The following MSRA variants were observed in gnomAD, a reference collection of about 807,000 sequenced individuals.
MSRA encodes the protein methionine sulfoxide reductase A.
A neutral mutation model predicts 31.3 loss-of-function variants in MSRA; 54 were observed. The ratio of observed to expected loss-of-function variants is 1.73; its 90% confidence interval spans 1.39 to 2.17. MSRA has a LOEUF of 2.17. Among genes scored for constraint, MSRA ranks in the 30% most tolerant of loss-of-function variants. MSRA has a pLI of 0.00. For missense variants in MSRA, 507 were observed against 300.9 expected (o/e 1.69, Z -5.07); for synonymous variants, 169 against 116.5 (o/e 1.45, Z -2.90).
intron 5 of MSRA, among the ~76,000 whole-genome samples, chr8:10,363,771 C>CACACACACACACACAGACACACAT (rs1362911039): frequency 6.6e-6 from 1 of 151,424 alleles, no homozygotes; most frequent in African/African-American, 2.4e-5. Context: ...CACACACACA[C>CACACACACACACACAGACACACAT]ACACACACTA....
At chr8:10,365,059 C>T (rs1414220584) in intron 5 of MSRA, among the ~76,000 whole-genome samples, 1 of 150,466 alleles carries the variant, frequency 6.6e-6, no homozygotes, top group African/African-American at 2.5e-5. Flanking sequence ...CTGAGCTTTG[C>T]CAAACAGACA....
intron 3 of MSRA, among the ~76,000 whole-genome samples, chr8:10,286,507 C>T (rs1232045963): frequency 6.6e-6 from 1 of 152,246 alleles, no homozygotes; most frequent in African/African-American, 2.4e-5. Context: ...CCATGTGGAA[C>T]TGTAAGTAGG....
At chr8:10,076,259 A>T (rs1432570388) in intron 1 of MSRA, among the ~76,000 whole-genome samples, 1 of 152,240 alleles carries the variant, frequency 6.6e-6, no homozygotes. Flanking sequence ...CAGTAGGGAC[A>T]CTTAGGGGAC....
intron 1 of MSRA, among the ~76,000 whole-genome samples, chr8:10,071,366 C>T (rs548024061): frequency 3.0e-4 from 46 of 151,850 alleles, no homozygotes; most frequent in South Asian, 1.9e-3. Flanking sequence ...TACTCTTCAG[C>T]GGAGTCTTTT....
At chr8:10,310,789 G>A (rs575006462) in intron 4 of MSRA, among the ~76,000 whole-genome samples, 1 of 152,310 alleles carries the variant, frequency 6.6e-6, no homozygotes, top group Non-Finnish European at 1.5e-5. Context: ...GGTAGCACAT[G>A]GCCCCACAGT....
intron 3 of MSRA, among the ~76,000 whole-genome samples, chr8:10,251,322 A>G (rs1563270283): frequency 6.6e-6 from 1 of 152,014 alleles, no homozygotes; most frequent in Non-Finnish European, 1.5e-5. Context: ...GAGTTCTCTT[A>G]TTAACAGATT....
chr8:10,075,084 T>G (rs1412129362), intron 1 of MSRA, among the ~76,000 whole-genome samples: 4 of 152,266 alleles, frequency 2.6e-5, no homozygotes, highest in Non-Finnish European at 5.9e-5. Flanking sequence ...TGCATTCATA[T>G]TATTTGAAGA....
rs115023684 is a variant in MSRA, at chr8:10,109,149, G to C, written c.142+54491G>C. 4.9e-3 allele frequency among the ~76,000 whole-genome samples: 740 copies of C among 152,200 alleles called. 6 individuals are homozygous for C. Among genetic ancestry groups the C allele is most frequent in the African/African-American group, 0.017 (687 of 41,528 alleles). Reference sequence around the variant, plus strand: ...CATAGCAAAACACAAATTAAGTCCAGGAGATAAAATGCATATAGTGCCTGC... The same window carrying C: ...CATAGCAAAACACAAATTAAGTCCACGAGATAAAATGCATATAGTGCCTGC... On this transcript the variant is annotated intron_variant, in intron 1 of 5. Coordinates refer to ENST00000317173, the MANE Select transcript of MSRA (RefSeq NM_012331.5).
intron 5 of MSRA, among the ~76,000 whole-genome samples, chr8:10,341,304 G>A (rs1166098915): frequency 1.3e-5 from 2 of 152,152 alleles, no homozygotes; most frequent in Non-Finnish European, 2.9e-5. Context: ...GGAAGGTGAA[G>A]GGGGAACAGG....
chr8:10,237,209 G>T (rs1343216744), intron 2 of MSRA, among the ~76,000 whole-genome samples: 6 of 152,170 alleles, frequency 3.9e-5, no homozygotes, highest in African/African-American at 1.4e-4. Context: ...TTTTCTTGTG[G>T]CATTTGTATT....
In MSRA at chr8:10,337,948, G is replaced by A. The variant is rs935677634; in HGVS notation, c.543+17959G>A. The A allele has an allele frequency of 1.9e-5, 12 of 628,394 alleles. No individual in the cohort carries two copies. The African/African-American group carries it at 2.0e-4, about 10-fold the overall frequency. 38.9% of individuals were successfully genotyped at this position (628,394 alleles called of 1,614,324 possible). On this transcript the variant is annotated intron_variant, in intron 5 of 5. Coordinates refer to ENST00000317173, the MANE Select transcript of MSRA (RefSeq NM_012331.5). ...CAAGACTAATAAGACTTGGAAGTAGGGAGGTAAACTGGGTGGCCCAGGAAA... is the reference window on the plus strand; with the variant it reads ...CAAGACTAATAAGACTTGGAAGTAGAGAGGTAAACTGGGTGGCCCAGGAAA...
intron 5 of MSRA, among the ~76,000 whole-genome samples, chr8:10,341,639 A>G (rs1228133375): frequency 6.6e-6 from 1 of 152,190 alleles, no homozygotes; most frequent in African/African-American, 2.4e-5. Context: ...GCATCAGACA[A>G]ACTTAGGTAC....
At chr8:10,399,836 C>A (rs903579970) in intron 5 of MSRA, among the ~76,000 whole-genome samples, 2 of 151,998 alleles carry the variant, frequency 1.3e-5, no homozygotes, top group Admixed American at 1.3e-4. Flanking sequence ...ACTAACAAAC[C>A]GCAAGGATTT....
intron 3 of MSRA, among the ~76,000 whole-genome samples, chr8:10,297,362 A>G (rs1800602239): frequency 6.6e-6 from 1 of 152,160 alleles, no homozygotes; most frequent in South Asian, 2.1e-4. Flanking sequence ...AGCAACGTTA[A>G]AGCCCCCGTA....
chr8:10,199,715 C>G (rs1808332889), intron 1 of MSRA, among the ~76,000 whole-genome samples: 1 of 152,274 alleles, frequency 6.6e-6, no homozygotes, highest in Admixed American at 6.5e-5. Flanking sequence ...GAAGAATGCC[C>G]TCTATTTGCA....
rs1269105948 is a variant in MSRA, at chr8:10,113,289, CTTCTTTTTTT to C, written c.142+58634_142+58643del. ...AGGCATGGCTTTGGTGAAGACAGGT[CTTCTTTTTTT>C]TTTTTTTTTTTTTTTGGAGGTGTGT... is the stretch of plus-strand genomic sequence containing the variant. On this transcript the variant is annotated intron_variant, in intron 1 of 5. Transcript: ENST00000317173. Among the ~76,000 whole-genome samples, 28 of 50,898 alleles carry C rather than the reference CTTCTTTTTTT, an allele frequency of 5.5e-4. 2 individuals are homozygous for C. The highest frequency in any genetic ancestry group is 2.0e-3 in the African/African-American group (18 of 9,074). 33.4% of individuals were successfully genotyped at this position (50,898 alleles called of 152,430 possible).
intron 1 of MSRA, among the ~76,000 whole-genome samples, chr8:10,075,246 AAATGAACT>A (rs768004143): frequency 1.3e-5 from 2 of 152,222 alleles, no homozygotes; most frequent in African/African-American, 2.4e-5. Flanking sequence ...ACCATTAGTT[AAATGAACT>A]AAAGAATGAT....
chr8:10,343,250 TG>T (rs1803556400), intron 5 of MSRA, among the ~76,000 whole-genome samples: 2 of 152,164 alleles, frequency 1.3e-5, no homozygotes, highest in South Asian at 4.1e-4. Context: ...GAATCCATGG[TG>T]AGAACACCGT....
chr8:10,250,346 T>C (rs1215478957), intron 3 of MSRA: 7 of 692,380 alleles, frequency 1.0e-5, no homozygotes, highest in African/African-American at 3.5e-5. Flanking sequence ...TAGCCTAATA[T>C]ACAAATACCC....
Sources: allele counts gnomAD v4.1 joint callset (sites outside exome capture counted in the v4.1 genomes callset), GRCh38; gene constraint gnomAD v4.1.1; transcripts MANE v1.5; gene names NCBI Gene and HGNC (gene_info 2026-07-23, HGNC 2026-07-21).